Variants in IRX4 observed in about 807,000 individuals in gnomAD.
The protein encoded by IRX4 is iroquois homeobox 4, also known as iroquois-class homeodomain protein IRX-4.
A neutral mutation model predicts 32.0 loss-of-function variants in IRX4; 22 were observed. The ratio of observed to expected loss-of-function variants is 0.69; its 90% CI spans 0.49 to 0.98. The LOEUF is 0.98. IRX4 is among the 50% of genes least tolerant of loss of function. The pLI is 0.00. For synonymous variants in IRX4, 379 were observed against 351.7 expected, an observed-to-expected ratio of 1.08 and a Z score of -0.87; for missense variants, 840 against 744.2, an observed-to-expected ratio of 1.13 and a Z score of -1.50.
At chr5:1,885,217 G>A (rs112750782), upstream of IRX4, among the ~76,000 whole-genome samples, 3 of 152,278 alleles carry the variant, frequency 2.0e-5, no homozygotes, top group African/African-American at 7.2e-5. Flanking sequence ...TTCCAGACCC[G>A]GCGGGGCTTA....
chr5:1,885,408 T>A (rs894036209), upstream of IRX4, among the ~76,000 whole-genome samples: 2 of 152,018 alleles, frequency 1.3e-5, no homozygotes, highest in Admixed American at 6.5e-5. Flanking sequence ...AAATCGACGC[T>A]CCAGTCCCCA....
chr5:1,879,599 C>T lies in IRX4; in HGVS notation c.641G>A (p.Cys214Tyr). The stretch of plus-strand genomic sequence containing the variant: ...CGCGTAGGGCCGCTTCTCGTCTGCG[C>T]ACTTGTTCCGCGGCGGCCACGTCAT... ...NKMTWPPRNK[C>Y]ADEKRPYAEG... Residue 214 changes from cysteine (C) to tyrosine (Y), a missense_variant, in exon 4 of 5, where the codon TGC becomes TAC. By Grantham distance (194) the Cys-to-Tyr change is radical. Transcript: ENST00000231357. The T allele has an allele frequency of 6.2e-7, 1 of 1,614,000 alleles. No individual in the cohort carries two copies. Among genetic ancestry groups the T allele is most frequent in the South Asian group, 1.1e-5 (1 of 91,090 alleles).
At chr5:1,881,693 G>C (rs1471136481) in intron 2 of IRX4, 115 bp downstream of exon 2, 2 of 1,308,266 alleles carry the variant, frequency 1.5e-6, no homozygotes, top group Non-Finnish European at 2.1e-6. Context: ...GCCAAGGTGA[G>C]CGCCTCCCCT....
rs1735461446 is a variant in IRX4 at position 1,881,977 on chromosome 5, G to A, written c.128C>T (p.Ala43Val). The A allele has an allele frequency of 1.3e-6, 2 of 1,552,870 alleles. No homozygotes were observed. The highest frequency in any genetic ancestry group is 1.7e-4 in the Middle Eastern group (1 of 5,912). The change falls in exon 2 of 5, where the codon GCC becomes GTC. Residue 43 changes from alanine (A) to valine (V), a missense_variant. Physicochemically the swap from Ala to Val is moderately conservative, Grantham distance 64 (BLOSUM62 0). Transcript: ENST00000231357. ...GACCGGGCAGTAGACCGGCGCCTGG[G>A]CCGAGGCGGCGGGCCCGGAGTCCGC... ...TLADSGPAAS[A>V]QAPVYCPVYE...
Position 1,882,588 on chromosome 5 carries a change from C to A in IRX4, c.45+15G>T. The A allele has an allele frequency of 6.7e-7, 1 of 1,484,914 alleles. No homozygotes were observed. The highest frequency in any genetic ancestry group is 8.9e-7 in the Non-Finnish European group (1 of 1,121,882). The allele number at this position is 1,484,914 out of a possible 1,614,324, so 92.0% of individuals were successfully genotyped here. A position where few individuals can be genotyped will look rare whatever the true frequency, so the allele number is the denominator to read the frequency against. On this transcript the variant is annotated intron_variant, in intron 1 of 4. Coordinates refer to ENST00000231357, the MANE Select transcript of IRX4 (RefSeq NM_016358.3). ...GGCACCTGCGGTGGCCTGGGCGGGG[C>A]GGGGCTCCGCTTACCTGGGGAGCCG...
At position 1,882,693 on chromosome 5, in the gene IRX4, C is replaced by T. The variant is rs1193727618; in HGVS notation, c.-46G>A. 8.0e-6 allele frequency: 10 copies of T among 1,249,738 alleles called. No individual in the cohort carries two copies. The highest frequency in any genetic ancestry group is 1.0e-5 in the Non-Finnish European group (10 of 963,556). 77.4% of individuals were successfully genotyped at this position (1,249,738 alleles called of 1,614,324 possible). A position where few individuals can be genotyped will look rare whatever the true frequency, so the allele number is the denominator to read the frequency against. ...GACGGGCGGGGCCTGCAGGGTTCTG[C>T]GCGCTGGGGCCGGCGTGGCGCGGCC... On this transcript the variant is annotated 5_prime_UTR_variant, in exon 1 of 5. Coordinates refer to ENST00000231357, the MANE Select transcript of IRX4 (RefSeq NM_016358.3).
intron 3 of IRX4, among the ~76,000 whole-genome samples, chr5:1,880,424 C>T (rs1019526242): frequency 1.2e-4 from 18 of 152,214 alleles, no homozygotes; most frequent in African/African-American, 4.1e-4. Context: ...GCGGGCTGCC[C>T]CGTGAACTGG....
In IRX4 at chr5:1,877,650, C is replaced by T. The variant is rs1193414101; in HGVS notation, c.*319G>A. ...GGGGACAGCAGACCACGCTTCAGAACGGAACCGCCTTCTCCATGTAAACTT... is the reference window on the plus strand; with the variant it reads ...GGGGACAGCAGACCACGCTTCAGAATGGAACCGCCTTCTCCATGTAAACTT... On this transcript the variant is annotated 3_prime_UTR_variant, in exon 5 of 5. Coordinates refer to ENST00000231357, the MANE Select transcript of IRX4 (RefSeq NM_016358.3). The T allele has an allele frequency of 5.5e-6, 2 of 364,732 alleles. No individual in the cohort carries two copies. Among genetic ancestry groups the T allele is most frequent in the South Asian group, 4.5e-5 (1 of 22,192 alleles). The allele number at this position is 364,732 out of a possible 1,614,324, so 22.6% of individuals were successfully genotyped here.
rs1349287898 is a variant in IRX4, at chr5:1,878,508, C to T, written c.1021G>A (p.Glu341Lys). The T allele has an allele frequency of 2.1e-6, 3 of 1,433,976 alleles. No individual in the cohort carries two copies. Among genetic ancestry groups the T allele is most frequent in the East Asian group, 5.4e-5 (2 of 37,268 alleles). The allele number at this position is 1,433,976 out of a possible 1,614,324, so 88.8% of individuals were successfully genotyped here. A position where few individuals can be genotyped will look rare whatever the true frequency, so the allele number is the denominator to read the frequency against. The change falls in exon 5 of 5, where the codon GAG becomes AAG. Residue 341 changes from glutamate to lysine, a missense_variant. This residue lies in a region of IRX4 where 585 missense variants were observed against 488.0 expected (regional missense o/e 1.20). Coordinates refer to ENST00000231357, the MANE Select transcript of IRX4 (RefSeq NM_016358.3). ...GCCTCGCAGACCTGAGGGCCGCCCT[C>T]TGCGCCCGGCAGTGGCTCCGGCCCG... The part of the protein sequence containing the change: ...AAGPEPLPGA[E>K]GGPQVCEAKL...
upstream of IRX4, among the ~76,000 whole-genome samples, chr5:1,885,479 C>T (rs1735599513): frequency 6.6e-6 from 1 of 152,194 alleles, no homozygotes; most frequent in African/African-American, 2.4e-5. Flanking sequence ...CTTTCCCAGG[C>T]CGCCGCACAC....
At chr5:1,881,241 A>G (rs10474731) in intron 2 of IRX4, 87,484 of 167,170 alleles carry the variant, frequency 0.52, 23,730 homozygotes, top group East Asian at 0.59. Context: ...AAAGGGGTGG[A>G]GAAAGGGGAG....
At chr5:1,879,381 G>T in intron 4 of IRX4, 123 bp downstream of exon 4, 1 of 1,488,022 alleles carries the variant, frequency 6.7e-7, no homozygotes, top group Non-Finnish European at 9.1e-7. Context: ...GAACCGGTTT[G>T]CACGGTGACC....
At position 1,878,503 on chromosome 5, in the gene IRX4, G is replaced by A; in HGVS notation, c.1026C>T (p.Gly342=). ...AGPEPLPGAE[G]GPQVCEAKLG... is the part of the protein sequence containing the mutation. ...GCTTGGCCTCGCAGACCTGAGGGCC[G>A]CCCTCTGCGCCCGGCAGTGGCTCCG... Residue 342 remains glycine, a synonymous_variant, in exon 5 of 5, where the codon GGC becomes GGT. Transcript: ENST00000231357. The A allele has an allele frequency of 1.4e-6, 2 of 1,433,636 alleles. No individual in the cohort carries two copies. The highest frequency in any genetic ancestry group is 1.8e-6 in the Non-Finnish European group (2 of 1,101,670). 88.8% of individuals were successfully genotyped at this position (1,433,636 alleles called of 1,614,324 possible).
chr5:1,884,400 G>C (rs987557632), upstream of IRX4: 2 of 152,276 alleles, frequency 1.3e-5, no homozygotes, highest in African/African-American at 4.8e-5. Flanking sequence ...TTGACAGCTC[G>C]GTTGAAGGTG....
chr5:1,885,322 G>T (rs1203261294), upstream of IRX4, among the ~76,000 whole-genome samples: 1 of 152,160 alleles, frequency 6.6e-6, no homozygotes, highest in East Asian at 1.9e-4. Context: ...AGTACGTGGG[G>T]GCCCTTTCGG....
At position 1,877,957 on chromosome 5, in the gene IRX4, G is replaced by A. The variant is rs1735259576; in HGVS notation, c.*12C>T. ...AGCGCGGGTTCCCTCCTGGGCTCGG[G>A]ACCCGCCCGCCTCAGGCGCAGAAGG... is the stretch of plus-strand genomic sequence containing the variant. On this transcript the variant is annotated 3_prime_UTR_variant, in exon 5 of 5. Coordinates refer to ENST00000231357, the MANE Select transcript of IRX4 (RefSeq NM_016358.3). The A allele has an allele frequency of 6.7e-7, 1 of 1,492,250 alleles. No homozygotes were observed. The highest frequency in any genetic ancestry group is 8.9e-7 in the Non-Finnish European group (1 of 1,125,542). 92.4% of individuals were successfully genotyped at this position (1,492,250 alleles called of 1,614,324 possible).
chr5:1,880,015 G>A, intron 3 of IRX4, 183 bp from the exon 4 acceptor site: 1 of 1,508,674 alleles, frequency 6.6e-7, no homozygotes, highest in South Asian at 1.2e-5. Flanking sequence ...CTGCCTGCTG[G>A]CACTTGTCTT....
upstream of IRX4, among the ~76,000 whole-genome samples, chr5:1,883,285 C>T (rs1464027138): frequency 6.6e-6 from 1 of 152,230 alleles, no homozygotes; most frequent in African/African-American, 2.4e-5. Context: ...ACAAATGAGA[C>T]CTATGAAAGG....
At chr5:1,882,523 G>T in intron 1 of IRX4, 80 bp downstream of exon 1, 1 of 1,266,910 alleles carries the variant, frequency 7.9e-7, no homozygotes, top group South Asian at 1.3e-5. Flanking sequence ...TCGTAGGTCG[G>T]ACACTCCCCA....
Sources: gnomAD v4.1 joint callset for allele counts (sites outside exome capture counted in the v4.1 genomes callset) on GRCh38, gnomAD v4.1.1 for gene constraint, gnomAD v4.1.1 regional missense constraint, MANE v1.5 for transcripts, NCBI Gene and HGNC (gene_info 2026-07-23, HGNC 2026-07-21) for gene names.